FRMD4A: variants seen among roughly 807,000 people sequenced by gnomAD.
FRMD4A encodes FERM domain containing 4A.
FRMD4A carries 29 observed loss-of-function variants against 129.1 expected under a neutral mutation model. The ratio of observed to expected loss-of-function variants is 0.22; its 90% CI spans 0.17 to 0.31. The LOEUF (loss-of-function observed/expected upper bound fraction) is 0.31, where lower values mean the gene tolerates loss of function less well. Ranked by LOEUF, FRMD4A falls within the 10% of genes least tolerant of loss-of-function variation. The pLI is 1.00. For synonymous variants in FRMD4A, 634 were observed against 571.6 expected, an observed-to-expected ratio of 1.11 and a Z score of -1.56; for missense variants, 1,272 against 1,375.8, an observed-to-expected ratio of 0.92 and a Z score of 1.19.
chr10:13,687,449 T>C (rs2085197520), intron 15 of FRMD4A, among the ~76,000 whole-genome samples: 1 of 152,332 alleles, frequency 6.6e-6, no homozygotes, highest in Non-Finnish European at 1.5e-5. Flanking sequence ...TATTGTTGCT[T>C]TGTTGTTGTT....
Position 13,659,348 on chromosome 10 carries a change from T to A in FRMD4A, c.2041A>T (p.Ser681Cys). The A allele has an allele frequency of 6.2e-7, 1 of 1,614,146 alleles. No homozygotes were observed. Among genetic ancestry groups the A allele is most frequent in the Non-Finnish European group, 8.5e-7 (1 of 1,179,960 alleles). ...MPSTPDLRVR[S>C]PHYVHSTRSV... is the part of the protein sequence containing the mutation. ...CTCGTGGAATGGACGTAGTGGGGAC[T>A]CCGGACCCGCAGGTCTGGCGTGGAC... The change falls in exon 21 of 25, where the codon AGT (serine) becomes TGT (cysteine). Residue 681 changes from serine to cysteine, a missense_variant. By Grantham distance (112) the Ser-to-Cys change is moderately radical. Coordinates refer to ENST00000357447, the MANE Select transcript of FRMD4A (RefSeq NM_018027.5).
chr10:13,680,948 T>G (rs913112634), intron 15 of FRMD4A, among the ~76,000 whole-genome samples: 1 of 152,100 alleles, frequency 6.6e-6, no homozygotes, highest in African/African-American at 2.4e-5. Context: ...GGAAAGACAC[T>G]GGATTTTCAT....
chr10:14,226,303 C>T (rs909896576), intron 2 of FRMD4A, among the ~76,000 whole-genome samples: 5 of 152,112 alleles, frequency 3.3e-5, no homozygotes, highest in South Asian at 2.1e-4. Context: ...CTCTGTCTCC[C>T]AAGCCTGGAC....
chr10:14,308,304 G>C (rs1182780406), intron 2 of FRMD4A, among the ~76,000 whole-genome samples: 1 of 152,156 alleles, frequency 6.6e-6, no homozygotes, highest in Non-Finnish European at 1.5e-5. Context: ...GAAGTGAAGG[G>C]GAAGAAATGT....
At chr10:14,198,750 A>G (rs1842544424) in intron 2 of FRMD4A, among the ~76,000 whole-genome samples, 1 of 152,230 alleles carries the variant, frequency 6.6e-6, no homozygotes, top group Non-Finnish European at 1.5e-5. Flanking sequence ...GTTATCTTAT[A>G]GCTTTCCTAC....
chr10:14,118,223 C>A (rs1458426683), intron 2 of FRMD4A, among the ~76,000 whole-genome samples: 2 of 152,234 alleles, frequency 1.3e-5, no homozygotes, highest in Non-Finnish European at 2.9e-5. Flanking sequence ...CTTGGAGATT[C>A]TGGCCTCTCA....
At chr10:13,700,389 C>T (rs543043134) in intron 14 of FRMD4A, among the ~76,000 whole-genome samples, 1 of 152,202 alleles carries the variant, frequency 6.6e-6, no homozygotes, top group Non-Finnish European at 1.5e-5. Flanking sequence ...GATTCAGTGA[C>T]TCTTGTGCCC....
intron 2 of FRMD4A, among the ~76,000 whole-genome samples, chr10:14,121,582 T>C (rs1017637416): frequency 9.9e-5 from 15 of 151,470 alleles, no homozygotes; most frequent in African/African-American, 3.4e-4. Context: ...CACTGAGAGG[T>C]GTGAAAGGGC....
chr10:13,711,465 G>A (rs571317354), intron 12 of FRMD4A, among the ~76,000 whole-genome samples: 1 of 152,334 alleles, frequency 6.6e-6, no homozygotes, highest in Admixed American at 6.5e-5. Flanking sequence ...CAGTGCAGCC[G>A]TCATAACCCA....
At chr10:14,062,367 G>A (rs539747820) in intron 2 of FRMD4A, among the ~76,000 whole-genome samples, 143 of 152,348 alleles carry the variant, frequency 9.4e-4, no homozygotes, top group Admixed American at 1.2e-3. Context: ...TATTCTCCAA[G>A]TTGGGAGTGG....
At chr10:14,275,786 C>G (rs1845318753) in intron 2 of FRMD4A, among the ~76,000 whole-genome samples, 1 of 152,158 alleles carries the variant, frequency 6.6e-6, no homozygotes, top group South Asian at 2.1e-4. Flanking sequence ...CATCTGTAAT[C>G]CCAGAACTTT....
intron 2 of FRMD4A, among the ~76,000 whole-genome samples, chr10:13,860,439 T>C (rs2094278763): frequency 6.6e-6 from 1 of 152,214 alleles, no homozygotes; most frequent in East Asian, 1.9e-4. Flanking sequence ...TAGTATGAAA[T>C]AGCTCCAACG....
chr10:13,912,138 C>G (rs2094947092), intron 2 of FRMD4A, among the ~76,000 whole-genome samples: 1 of 152,072 alleles, frequency 6.6e-6, no homozygotes, highest in Admixed American at 6.6e-5. Flanking sequence ...TTAACTTTGA[C>G]AATGAACCCT....
chr10:14,114,031 G>C (rs74754622), intron 2 of FRMD4A, among the ~76,000 whole-genome samples: 9,193 of 152,242 alleles, frequency 0.06, 369 homozygotes, highest in Admixed American at 0.093. Context: ...AGTCTCAGTA[G>C]GGGGTGCCTT....
chr10:13,863,998 C>T (rs1282239504), intron 2 of FRMD4A, among the ~76,000 whole-genome samples: 2 of 152,034 alleles, frequency 1.3e-5, no homozygotes, highest in African/African-American at 2.4e-5. Flanking sequence ...CTTTCTTTCT[C>T]TCTCTCTCTC....
chr10:13,727,172 G>A (rs2089957213), intron 12 of FRMD4A, among the ~76,000 whole-genome samples: 1 of 152,190 alleles, frequency 6.6e-6, no homozygotes, highest in African/African-American at 2.4e-5. Flanking sequence ...AAAGTGCTGG[G>A]ATTACACATG....
At chr10:14,028,873 G>T (rs1488867531) in intron 2 of FRMD4A, among the ~76,000 whole-genome samples, 2 of 152,172 alleles carry the variant, frequency 1.3e-5, no homozygotes, top group Non-Finnish European at 2.9e-5. Flanking sequence ...GACAGCCAAG[G>T]TCTCAATGCT....
chr10:13,838,599 T>C (rs2093913406), intron 3 of FRMD4A, among the ~76,000 whole-genome samples: 1 of 151,896 alleles, frequency 6.6e-6, no homozygotes, highest in Non-Finnish European at 1.5e-5. Context: ...TTCAAGCAAT[T>C]CTGGTGCCTC....
intron 2 of FRMD4A, among the ~76,000 whole-genome samples, chr10:14,224,371 A>G (rs1843365190): frequency 6.6e-6 from 1 of 152,154 alleles, no homozygotes; most frequent in African/African-American, 2.4e-5. Flanking sequence ...AGTGACCTGC[A>G]TATGTGTCCA....
Sources: allele counts gnomAD v4.1 joint callset (sites outside exome capture counted in the v4.1 genomes callset), GRCh38; gene constraint gnomAD v4.1.1; transcripts MANE v1.5; gene names NCBI Gene and HGNC (gene_info 2026-07-23, HGNC 2026-07-21).